EXOSC2: variants seen among roughly 807,000 people sequenced by gnomAD.
The protein encoded by EXOSC2 is exosome component 2.
EXOSC2 carries 29 observed loss-of-function variants against 37.6 expected under a neutral mutation model. The ratio of observed to expected loss-of-function variants is 0.77; its 90% CI spans 0.57 to 1.05. EXOSC2 has a LOEUF of 1.05. Ranked by LOEUF, EXOSC2 falls within the 50% of genes least tolerant of loss-of-function variation. The pLI is 0.00. For missense variants in EXOSC2, 346 were observed against 365.6 expected (o/e 0.95, Z 0.44); for synonymous variants, 119 against 131.1 (o/e 0.91, Z 0.63).
intron 7 of EXOSC2, 135 bp downstream of exon 7, chr9:130,702,445 T>G: frequency 4.4e-6 from 3 of 685,754 alleles, no homozygotes; most frequent in Non-Finnish European, 4.9e-6. Flanking sequence ...TCCATCACGG[T>G]ATGTTCATGA....
At position 130,697,610 on chromosome 9, in the gene EXOSC2, G is replaced by C. The variant is rs1016475885; in HGVS notation, c.253G>C (p.Val85Leu). 1 of 1,614,172 alleles carries C rather than the reference G, an allele frequency of 6.2e-7. No individual in the cohort carries two copies. The highest frequency in any genetic ancestry group is 1.1e-5 in the South Asian group (1 of 91,090). ...CATTGGTGAAGTAGGAGACATCGTA[G>C]TGGGACGAATCACAGAGGTAACGTC... ...RYIGEVGDIV[V>L]GRITEVQQKR... The change falls in exon 3 of 9, where the codon GTG becomes CTG. Residue 85 changes from valine (V) to leucine (L), a missense_variant. Val to Leu is a conservative substitution (Grantham distance 32). Transcript: ENST00000372358.
In EXOSC2 at chr9:130,698,277, A is replaced by T; in HGVS notation, c.360+26A>T. ...GTAAGGGCTACAGCTGGGGCCATGG[A>T]CTAGGGCCCAGTGGGCTGGGGGGAG... On this transcript the variant is annotated intron_variant, in intron 4 of 8. Transcript: ENST00000372358. The surrounding 1 kb of genome is among the most constrained non-coding windows in gnomAD (Gnocchi z 4.1). The T allele has an allele frequency of 6.3e-7, 1 of 1,594,910 alleles. No homozygotes were observed. The highest frequency in any genetic ancestry group is 1.1e-5 in the South Asian group (1 of 90,644).
intron 5 of EXOSC2, 156 bp from the exon 6 acceptor site, chr9:130,700,711 A>G: frequency 3.3e-6 from 2 of 610,638 alleles, no homozygotes; most frequent in African/African-American, 3.7e-5. Flanking sequence ...GGGGAGAGGT[A>G]AGGTCACAGT....
At position 130,693,897 on chromosome 9, in the gene EXOSC2, G is replaced by A. The variant is rs199697937; in HGVS notation, c.106G>A (p.Asp36Asn). 2.0e-5 allele frequency: 33 copies of A among 1,610,434 alleles called. No homozygotes were observed. The highest frequency in any genetic ancestry group is 2.7e-5 in the Non-Finnish European group (32 of 1,177,418). Reference protein sequence around the residue: ...LVVPGDTITTDTGFMRGHGTY... With the variant: ...LVVPGDTITTNTGFMRGHGTY... ...GGTGCCGGGGGATACAATCACTACG[G>A]ACACAGGATTCATGCGGTACGTGGG... Residue 36 changes from aspartate (D) to asparagine (N), a missense_variant, in exon 1 of 9, where the codon GAC becomes AAC. Coordinates refer to ENST00000372358, the MANE Select transcript of EXOSC2 (RefSeq NM_014285.7).
chr9:130,693,996 G>T, intron 1 of EXOSC2, 83 bp downstream of exon 1: 1 of 1,471,870 alleles, frequency 6.8e-7, no homozygotes, highest in South Asian at 1.4e-5. Context: ...GTATCCCTGT[G>T]TGTGTAACTC....
In EXOSC2 at chr9:130,693,830, T is replaced by A; in HGVS notation, c.39T>A (p.Pro13=). The change falls in exon 1 of 9, where the codon CCT becomes CCA. Residue 13 remains proline (P), a synonymous_variant. Transcript: ENST00000372358. ...MEMRLPVARK[P]LSERLGRDTK... Reference sequence around the variant, plus strand: ...TGAGGCTTCCAGTGGCTCGCAAGCCTCTTAGCGAGAGACTGGGCCGCGACA... The same window carrying A: ...TGAGGCTTCCAGTGGCTCGCAAGCCACTTAGCGAGAGACTGGGCCGCGACA... The A allele has an allele frequency of 6.2e-7, 1 of 1,609,980 alleles. No homozygotes were observed. The highest frequency in any genetic ancestry group is 8.5e-7 in the Non-Finnish European group (1 of 1,177,644).
At chr9:130,703,362 C>T (rs1382561815) in intron 8 of EXOSC2, among the ~76,000 whole-genome samples, 181 bp downstream of exon 8, 2 of 152,290 alleles carry the variant, frequency 1.3e-5, no homozygotes, top group African/African-American at 2.4e-5. Context: ...ATTCTCAATG[C>T]CTAGTGTCAG....
At chr9:130,702,986 T>G (rs1232090508) in intron 7 of EXOSC2, 67 bp from the exon 8 acceptor site, 8 of 1,554,522 alleles carry the variant, frequency 5.1e-6, no homozygotes, top group Admixed American at 1.7e-5. Flanking sequence ...ATTTGTGAAT[T>G]TCTGTGGCTG....
In EXOSC2 at chr9:130,694,876, GT is replaced by G. The variant is rs1270901837; in HGVS notation, c.123-602del. Among the ~76,000 whole-genome samples the G allele has an allele frequency of 8.3e-4, 120 of 144,492 alleles. No individual in the cohort carries two copies. The highest frequency in any genetic ancestry group is 8.7e-4 in the Non-Finnish European group (57 of 65,428). 94.8% of individuals were successfully genotyped at this position (144,492 alleles called of 152,430 possible). A position where few individuals can be genotyped will look rare whatever the true frequency, so the allele number is the denominator to read the frequency against. ...CGCCACCATGCCTAGCTAATTTTTG[GT>G]TTTTTTTTTTTTTAGTAGAGACAGG... is the stretch of plus-strand genomic sequence containing the variant. On this transcript the variant is annotated intron_variant, in intron 1 of 8. Coordinates refer to ENST00000372358, the MANE Select transcript of EXOSC2 (RefSeq NM_014285.7). This position sits in a 1 kb window ranked among gnomAD's most constrained non-coding sequence, Gnocchi z 4.0.
intron 2 of EXOSC2, 50 bp downstream of exon 2, chr9:130,695,643 A>G (rs113275970): frequency 1.9e-5 from 29 of 1,559,704 alleles, no homozygotes; most frequent in African/African-American, 1.4e-4. Context: ...AGGTTGTACA[A>G]CCAGGCTTTT....
intron 8 of EXOSC2, 32 bp from the exon 9 acceptor site, chr9:130,703,657 GTTTCT>G: frequency 6.4e-7 from 1 of 1,568,314 alleles, no homozygotes; most frequent in Non-Finnish European, 8.7e-7. Flanking sequence ...TTTATGGTTG[GTTTCT>G]TTTCTGAACA....
At chr9:130,703,266 A>G (rs1254444384) in intron 8 of EXOSC2, 85 bp downstream of exon 8, 43 of 1,460,708 alleles carry the variant, frequency 2.9e-5, no homozygotes, top group Non-Finnish European at 3.8e-5. Flanking sequence ...CATCTCCCCA[A>G]TACTTTCCCA....
intron 6 of EXOSC2, 35 bp from the exon 7 acceptor site, chr9:130,702,099 T>C (rs758190647): frequency 1.2e-6 from 2 of 1,604,374 alleles, no homozygotes; most frequent in Admixed American, 3.4e-5. Context: ...CCCGCCAATC[T>C]TGCAGTGACC....
In EXOSC2 at chr9:130,699,396, T is replaced by G. The variant is rs780578336; in HGVS notation, c.426+2T>G. On this transcript the variant is annotated splice_donor_variant, in intron 5 of 8. Transcript: ENST00000372358. LOFTEE classifies it high-confidence loss of function. ...TTACAGGAAGGGGACCTTATCAGTGTATCCTGCGCTTTGCACTCCAGCCTC... is the reference window on the plus strand; with the variant it reads ...TTACAGGAAGGGGACCTTATCAGTGGATCCTGCGCTTTGCACTCCAGCCTC... 4 of 1,614,128 alleles carry G rather than the reference T, an allele frequency of 2.5e-6. No homozygotes were observed. In the East Asian group the frequency reaches 8.9e-5, roughly 36 times the overall value.
At chr9:130,696,527 G>A (rs985240369) in intron 2 of EXOSC2, among the ~76,000 whole-genome samples, 3 of 152,180 alleles carry the variant, frequency 2.0e-5, no homozygotes, top group Non-Finnish European at 4.4e-5. Context: ...ATGATCTGAA[G>A]TGATGGTGGC....
At chr9:130,701,727 G>C (rs1427393453) in intron 6 of EXOSC2, 1 of 834,262 alleles carries the variant, frequency 1.2e-6, no homozygotes, top group Non-Finnish European at 1.5e-6. Context: ...CCTACCCAGA[G>C]GCACACATCT....
Position 130,702,172 on chromosome 9 carries a change from G to C in EXOSC2, c.534G>C (p.Leu178=), listed in dbSNP as rs1831231183. The C allele has an allele frequency of 1.2e-6, 2 of 1,614,042 alleles. No homozygotes were observed. Among genetic ancestry groups the C allele is most frequent in the African/African-American group, 2.7e-5 (2 of 74,974 alleles). Residue 178 remains leucine, a synonymous_variant, in exon 7 of 9, where the codon CTG becomes CTC. Transcript: ENST00000372358. ...QGVLVQVSPS[L]VKRQKTHFHD... ...TTTTGGTCCAGGTTTCCCCCTCCCTGGTGAAACGGCAGAAGACCCACTTTC... is the reference window on the plus strand; with the variant it reads ...TTTTGGTCCAGGTTTCCCCCTCCCTCGTGAAACGGCAGAAGACCCACTTTC...
chr9:130,696,588 C>G (rs1056708339), intron 2 of EXOSC2, among the ~76,000 whole-genome samples: 8 of 152,142 alleles, frequency 5.3e-5, no homozygotes, highest in African/African-American at 1.9e-4. Flanking sequence ...GGAATCTACA[C>G]AGATTTTATT....
At chr9:130,702,447 T>C (rs1831238013) in intron 7 of EXOSC2, 137 bp downstream of exon 7, 1 of 679,170 alleles carries the variant, frequency 1.5e-6, no homozygotes, top group Non-Finnish European at 2.5e-6. Flanking sequence ...CATCACGGTA[T>C]GTTCATGAAG....
Sources: allele counts gnomAD v4.1 joint callset (sites outside exome capture counted in the v4.1 genomes callset), GRCh38; gene constraint gnomAD v4.1.1; non-coding constraint Gnocchi (gnomAD v3.1); transcripts MANE v1.5; gene names NCBI Gene and HGNC (gene_info 2026-07-23, HGNC 2026-07-21).